Variants in UBAC2 observed in about 807,000 individuals in gnomAD.
The protein encoded by UBAC2 is UBA domain containing 2, also known as ubiquitin-associated domain-containing protein 2.
UBAC2 carries 26 observed loss-of-function variants against 44.0 expected under a neutral mutation model. That is an observed-to-expected ratio of 0.59 (90% CI 0.43 to 0.82). The LOEUF (loss-of-function observed/expected upper bound fraction) is 0.82, where lower values mean the gene tolerates loss of function less well. Among genes scored for constraint, UBAC2 ranks in the 40% least tolerant of loss-of-function variants. The pLI, the probability that UBAC2 is intolerant of heterozygous loss-of-function variation, is 0.00. For synonymous variants in UBAC2, 155 were observed against 154.3 expected (o/e 1.00, Z -0.04); for missense variants, 329 against 419.4 (o/e 0.78, Z 1.88).
intron 4 of UBAC2, among the ~76,000 whole-genome samples, chr13:99,250,597 A>G (rs1381403770): frequency 6.6e-6 from 1 of 151,854 alleles, no homozygotes; most frequent in African/African-American, 2.4e-5. Flanking sequence ...ATTTTTTCTA[A>G]TTCTGTGAAA....
intron 4 of UBAC2, among the ~76,000 whole-genome samples, chr13:99,276,182 A>G (rs978854231): frequency 3.3e-5 from 5 of 152,334 alleles, no homozygotes; most frequent in Middle Eastern, 3.4e-3. Flanking sequence ...GCTAACAAGT[A>G]GTACTCCAGT....
chr13:99,290,649 C>T (rs528102569), intron 4 of UBAC2, among the ~76,000 whole-genome samples: 2 of 150,168 alleles, frequency 1.3e-5, no homozygotes. Flanking sequence ...CATTTAAACC[C>T]AGGAGGTGGA....
At chr13:99,309,271 C>T (rs2044380621) in intron 4 of UBAC2, among the ~76,000 whole-genome samples, 1 of 152,054 alleles carries the variant, frequency 6.6e-6, no homozygotes, top group Admixed American at 6.6e-5. Context: ...CCACCATGCC[C>T]AGCTAATTTT....
At chr13:99,201,608 TCTCA>T in intron 1 of UBAC2, 1 of 1,608,462 alleles carries the variant, frequency 6.2e-7, no homozygotes, top group Non-Finnish European at 8.5e-7. Context: ...AAACGGCTTT[TCTCA>T]CTGAGTGTGT....
At chr13:99,283,144 C>G (rs902629193) in intron 4 of UBAC2, among the ~76,000 whole-genome samples, 5 of 152,194 alleles carry the variant, frequency 3.3e-5, no homozygotes, top group African/African-American at 4.8e-5. Flanking sequence ...TTACAGTTCT[C>G]TCTCCTAAAA....
chr13:99,233,943 A>AG (rs2043204475), intron 1 of UBAC2, among the ~76,000 whole-genome samples: 1 of 152,038 alleles, frequency 6.6e-6, no homozygotes, highest in Non-Finnish European at 1.5e-5. Flanking sequence ...TAGTCTTTTG[A>AG]TACTATGAAT....
At chr13:99,233,412 C>T (rs2043198271) in intron 1 of UBAC2, among the ~76,000 whole-genome samples, 1 of 152,160 alleles carries the variant, frequency 6.6e-6, no homozygotes, top group Admixed American at 6.5e-5. Flanking sequence ...CACCCGGCCT[C>T]AGATTTGGTT....
At chr13:99,333,052 A>C (rs951957424) in intron 6 of UBAC2, among the ~76,000 whole-genome samples, 9 of 152,162 alleles carry the variant, frequency 5.9e-5, no homozygotes, top group African/African-American at 2.2e-4. Context: ...ACTTGAAGCC[A>C]GGAGTTTGAG....
chr13:99,300,032 G>A (rs908134110), intron 4 of UBAC2, among the ~76,000 whole-genome samples: 1 of 152,180 alleles, frequency 6.6e-6, no homozygotes, highest in Non-Finnish European at 1.5e-5. Context: ...TTTCAAAGTG[G>A]TCTAGGCTCT....
intron 6 of UBAC2, among the ~76,000 whole-genome samples, chr13:99,322,228 C>T (rs2044577434): frequency 6.6e-6 from 1 of 152,140 alleles, no homozygotes; most frequent in African/African-American, 2.4e-5. Context: ...TTCATAATTC[C>T]ACTAATTTTC....
intron 4 of UBAC2, among the ~76,000 whole-genome samples, chr13:99,253,615 G>A (rs1046517064): frequency 6.6e-6 from 1 of 152,136 alleles, no homozygotes; most frequent in Non-Finnish European, 1.5e-5. Context: ...CTGGGTTCAA[G>A]CTATTCTCCT....
chr13:99,296,451 C>T (rs534932690), intron 4 of UBAC2, among the ~76,000 whole-genome samples: 4 of 152,298 alleles, frequency 2.6e-5, no homozygotes, highest in East Asian at 1.9e-4. Context: ...ATAGGGCAAA[C>T]GCACTTTTGT....
At chr13:99,207,800 T>C (rs2042890005) in intron 1 of UBAC2, among the ~76,000 whole-genome samples, 1 of 152,140 alleles carries the variant, frequency 6.6e-6, no homozygotes, top group East Asian at 1.9e-4. Flanking sequence ...CAGCTTAGGA[T>C]CCTGCCTTCG....
intron 7 of UBAC2, among the ~76,000 whole-genome samples, chr13:99,361,633 C>G (rs1193637218): frequency 6.6e-6 from 1 of 152,066 alleles, no homozygotes; most frequent in Non-Finnish European, 1.5e-5. Context: ...TGATCCAGAC[C>G]ATTCTTTGTT....
chr13:99,254,603 C>T (rs1391283922), intron 4 of UBAC2: 1 of 255,726 alleles, frequency 3.9e-6, no homozygotes, highest in East Asian at 8.1e-5. Context: ...TCGATTTCCC[C>T]CCTACTGACT....
intron 5 of UBAC2, among the ~76,000 whole-genome samples, chr13:99,316,481 G>C (rs976992200): frequency 6.6e-6 from 1 of 152,004 alleles, no homozygotes; most frequent in African/African-American, 2.4e-5. Context: ...AATGCTTAAG[G>C]CTCATTTAAG....
intron 5 of UBAC2, 40 bp downstream of exon 5, chr13:99,314,260 ATCT>A (rs756576373): frequency 4.0e-6 from 5 of 1,245,008 alleles, no homozygotes; most frequent in South Asian, 3.4e-5. Flanking sequence ...CTTTAACCAG[ATCT>A]TTTTTTTTTT....
intron 8 of UBAC2, among the ~76,000 whole-genome samples, chr13:99,370,256 A>C (rs1228102753): frequency 1.3e-5 from 2 of 152,218 alleles, no homozygotes; most frequent in Non-Finnish European, 2.9e-5. Context: ...ATACCTGTGC[A>C]TGTCAGTACA....
chr13:99,349,884 G>A (rs1468280822), intron 7 of UBAC2, among the ~76,000 whole-genome samples: 1 of 152,066 alleles, frequency 6.6e-6, no homozygotes, highest in Non-Finnish European at 1.5e-5. Flanking sequence ...ACAAGAAGGT[G>A]GTGGAGCAGA....
Sources: gnomAD v4.1 joint callset for allele counts (sites outside exome capture counted in the v4.1 genomes callset) on GRCh38, gnomAD v4.1.1 for gene constraint, MANE v1.5 for transcripts, NCBI Gene and HGNC (gene_info 2026-07-23, HGNC 2026-07-21) for gene names.